ENOX2: variants seen among roughly 807,000 people sequenced by gnomAD.
ENOX2 encodes the protein APK1 antigen.
Under a neutral mutation model 45.0 loss-of-function variants are expected in ENOX2, and 36 were observed. That is an observed-to-expected ratio of 0.80 (90% CI 0.61 to 1.06). The LOEUF (loss-of-function observed/expected upper bound fraction) is 1.06, where lower values mean the gene tolerates loss of function less well. Ranked by LOEUF, ENOX2 falls within the 50% of genes least tolerant of loss-of-function variation. The pLI, the probability that ENOX2 is intolerant of heterozygous loss-of-function variation, is 0.00. For missense variants in ENOX2, 423 were observed against 462.5 expected, an observed-to-expected ratio of 0.91 and a Z score of 0.78; for synonymous variants, 174 against 152.3, an observed-to-expected ratio of 1.14 and a Z score of -1.05.
chrX:130,685,925 A>C (rs2037436955), intron 5 of ENOX2, among the ~76,000 whole-genome samples: 1 of 111,827 alleles, frequency 8.9e-6, no homozygotes, highest in African/African-American at 3.3e-5. Flanking sequence ...GGACAATTTT[A>C]TGGTTCTATA....
chrX:130,687,621 C>A (rs2037481418), intron 5 of ENOX2, among the ~76,000 whole-genome samples: 1 of 112,454 alleles, frequency 8.9e-6, no homozygotes, highest in Admixed American at 9.4e-5. Context: ...CCATCTTATT[C>A]TCCATTCCCT....
At chrX:130,781,868 G>A (rs1200727614) in intron 3 of ENOX2, among the ~76,000 whole-genome samples, 5 of 111,371 alleles carry the variant, frequency 4.5e-5, no homozygotes, top group African/African-American at 1.6e-4. Context: ...GGAATAAAAA[G>A]TGACTGTAGG....
At chrX:130,667,066 A>T (rs2036853098) in intron 8 of ENOX2, among the ~76,000 whole-genome samples, 1 of 112,080 alleles carries the variant, frequency 8.9e-6, no homozygotes, top group Admixed American at 9.4e-5. Flanking sequence ...CTAAATAAAA[A>T]ATGTAGAAGT....
intron 2 of ENOX2, among the ~76,000 whole-genome samples, chrX:130,803,304 T>G (rs2095942411): frequency 8.9e-6 from 1 of 111,980 alleles, no homozygotes; most frequent in Non-Finnish European, 1.9e-5. Context: ...TTTTATTAAC[T>G]GATTTTTCTA....
intron 3 of ENOX2, among the ~76,000 whole-genome samples, chrX:130,779,500 AT>A (rs1373614027): frequency 2.2e-4 from 23 of 105,901 alleles, no homozygotes; most frequent in East Asian, 8.8e-4. Flanking sequence ...AGGGCCAGGT[AT>A]TTTTTTTTTT....
intron 2 of ENOX2, among the ~76,000 whole-genome samples, chrX:130,839,571 T>C (rs1346896312): frequency 8.9e-6 from 1 of 111,985 alleles, no homozygotes; most frequent in Non-Finnish European, 1.9e-5. Context: ...TCCTAACCTC[T>C]TGCTTAAATA....
At chrX:130,845,850 T>A (rs1049638980) in intron 2 of ENOX2, among the ~76,000 whole-genome samples, 2 of 112,212 alleles carry the variant, frequency 1.8e-5, no homozygotes, top group African/African-American at 6.5e-5. Context: ...AGTTAGTATA[T>A]CATGTAAAAG....
chrX:130,653,140 C>T (rs190854473), intron 10 of ENOX2, among the ~76,000 whole-genome samples: 6 of 111,552 alleles, frequency 5.4e-5, no homozygotes, highest in Non-Finnish European at 1.1e-4. Flanking sequence ...GTATATTCCT[C>T]GAAAATGACT....
At chrX:130,741,395 T>A (rs2148315137) in intron 3 of ENOX2, among the ~76,000 whole-genome samples, 1 of 111,713 alleles carries the variant, frequency 9.0e-6, no homozygotes, top group Non-Finnish European at 1.9e-5. Flanking sequence ...CTCCATCCAC[T>A]TGACCCTCTG....
At chrX:130,777,622 G>A (rs547852196) in intron 3 of ENOX2, among the ~76,000 whole-genome samples, 2 of 111,713 alleles carry the variant, frequency 1.8e-5, no homozygotes, top group Non-Finnish European at 3.8e-5. Flanking sequence ...TCTGCTGAGA[G>A]AATTCCTAAT....
chrX:130,671,664 C>T (rs1397109833), intron 6 of ENOX2, among the ~76,000 whole-genome samples: 1 of 111,851 alleles, frequency 8.9e-6, no homozygotes, highest in Non-Finnish European at 1.9e-5. Context: ...AAAGCTCCCA[C>T]AGGGTTGGGA....
At chrX:130,629,021 A>G (rs2035622301) in intron 13 of ENOX2, among the ~76,000 whole-genome samples, 1 of 111,517 alleles carries the variant, frequency 9.0e-6, no homozygotes, top group African/African-American at 3.3e-5. Context: ...TCTAAACTAC[A>G]ACTTGTCTGT....
chrX:130,865,040 ATTT>A (rs59866457), intron 2 of ENOX2, among the ~76,000 whole-genome samples: 26,454 of 94,385 alleles, frequency 0.28, 2,882 homozygotes, highest in Middle Eastern at 0.42. Flanking sequence ...TTGGACACAG[ATTT>A]TTTTTTTTTT....
chrX:130,785,010 C>T (rs1210198352), intron 2 of ENOX2, among the ~76,000 whole-genome samples: 3 of 109,160 alleles, frequency 2.7e-5, no homozygotes, highest in Non-Finnish European at 3.8e-5. Context: ...AAAGGTCAAT[C>T]AAGTTTCAAT....
intron 10 of ENOX2, among the ~76,000 whole-genome samples, chrX:130,649,043 CAAAAAAAAAAAAAAA>C (rs35154919): frequency 8.8e-4 from 6 of 6,798 alleles, no homozygotes; most frequent in Admixed American, 2.8e-3. Context: ...GACTCCATAT[CAAAAAAAAAAAAAAA>C]AAAAAAAAAA....
At position 130,894,285 on chromosome X, in the gene ENOX2, C is replaced by T; in HGVS notation, c.-183+7399G>A. On this transcript the variant is annotated intron_variant, in intron 2 of 14. Coordinates refer to ENST00000394363, the MANE Select transcript of ENOX2 (RefSeq NM_006375.4). ...GTATTTCTGGTTCTAGATCCTTGAC[C>T]ATGGCACATGTATACCTATGTAACA... Among the ~76,000 whole-genome samples the T allele has an allele frequency of 2.8e-5, 3 of 108,713 alleles. No individual in the cohort carries two copies. In the Middle Eastern group the frequency reaches 0.014, roughly 506 times the overall value. 94.4% of individuals were successfully genotyped at this position (108,713 alleles called of 115,157 possible).
intron 2 of ENOX2, among the ~76,000 whole-genome samples, chrX:130,856,302 C>T (rs1437531621): frequency 8.9e-6 from 1 of 112,432 alleles, no homozygotes; most frequent in African/African-American, 3.2e-5. Flanking sequence ...CCATGTTTCC[C>T]ATCATGCTGA....
At chrX:130,838,892 G>A (rs1224413281) in intron 2 of ENOX2, among the ~76,000 whole-genome samples, 1 of 111,607 alleles carries the variant, frequency 9.0e-6, no homozygotes, top group Non-Finnish European at 1.9e-5. Flanking sequence ...GTTACTTACT[G>A]AATCAGAGGA....
At chrX:130,713,083 T>A (rs1045570313) in intron 3 of ENOX2, among the ~76,000 whole-genome samples, 1 of 112,676 alleles carries the variant, frequency 8.9e-6, no homozygotes, top group East Asian at 2.8e-4. Flanking sequence ...CAGATACAGT[T>A]AATGTTGGAA....
Sources: allele counts gnomAD v4.1 joint callset (sites outside exome capture counted in the v4.1 genomes callset), GRCh38; gene constraint gnomAD v4.1.1; transcripts MANE v1.5; gene names NCBI Gene and HGNC (gene_info 2026-07-23, HGNC 2026-07-21).